Variants in FRMD4A observed in about 807,000 individuals in gnomAD.
FRMD4A encodes FERM domain-containing protein 4A.
A neutral mutation model predicts 129.1 loss-of-function variants in FRMD4A; 29 were observed. The ratio of observed to expected loss-of-function variants is 0.22; its 90% CI spans 0.17 to 0.31. FRMD4A has a LOEUF of 0.31. Ranked by LOEUF, FRMD4A falls within the 10% of genes least tolerant of loss-of-function variation. The pLI is 1.00. For missense variants in FRMD4A, 1,272 were observed against 1,375.8 expected (o/e 0.92, Z 1.19); for synonymous variants, 634 against 571.6 (o/e 1.11, Z -1.56).
chr10:13,849,678 C>T (rs2094114233), intron 3 of FRMD4A, among the ~76,000 whole-genome samples: 1 of 151,326 alleles, frequency 6.6e-6, no homozygotes, highest in Admixed American at 6.6e-5. Flanking sequence ...GGGCTTTCAC[C>T]ATGTTGGTCA....
intron 6 of FRMD4A, among the ~76,000 whole-genome samples, chr10:13,769,095 A>G (rs1471965272): frequency 6.9e-6 from 1 of 145,190 alleles, no homozygotes; most frequent in Non-Finnish European, 1.5e-5. Flanking sequence ...GGTTCAGGCC[A>G]TTCTCCTGCC....
intron 9 of FRMD4A, among the ~76,000 whole-genome samples, chr10:13,745,542 A>G (rs2091246969): frequency 6.6e-6 from 1 of 152,174 alleles, no homozygotes; most frequent in Non-Finnish European, 1.5e-5. Flanking sequence ...TCATATGCAG[A>G]AGAGACAGAG....
chr10:13,906,569 G>A (rs1156319677), intron 2 of FRMD4A, among the ~76,000 whole-genome samples: 1 of 152,152 alleles, frequency 6.6e-6, no homozygotes, highest in African/African-American at 2.4e-5. Flanking sequence ...CATCCACTAA[G>A]GGCGTGAAAT....
rs1223887250 is a variant in FRMD4A at position 14,279,182 on chromosome 10, A to ATTTTTT, written c.45+50870_45+50875dup. On this transcript the variant is annotated intron_variant, in intron 2 of 24. Coordinates refer to ENST00000357447, the MANE Select transcript of FRMD4A (RefSeq NM_018027.5). ...ACTATGCCCCTGAGGAGGAAGCGGG[A>ATTTTTT]TTTTTTTTTTTTTTTTTTTTTTTTG... Among the ~76,000 whole-genome samples, 210 of 99,612 alleles carry ATTTTTT rather than the reference A, an allele frequency of 2.1e-3. 4 individuals carry two copies. Among genetic ancestry groups the ATTTTTT allele is most frequent in the Non-Finnish European group, 3.1e-3 (164 of 52,316 alleles). The allele number at this position is 99,612 out of a possible 152,430, so 65.3% of individuals were successfully genotyped here.
At chr10:14,037,449 C>T (rs1050634593) in intron 2 of FRMD4A, among the ~76,000 whole-genome samples, 2 of 152,188 alleles carry the variant, frequency 1.3e-5, no homozygotes, top group Non-Finnish European at 2.9e-5. Context: ...AACTCCTGAC[C>T]TCATGTGATC....
chr10:14,089,682 T>TG (rs1237850425), intron 2 of FRMD4A, among the ~76,000 whole-genome samples: 18 of 146,682 alleles, frequency 1.2e-4, no homozygotes, highest in Non-Finnish European at 6.0e-5. Context: ...AGAACCAGAC[T>TG]GTAGTTTCCC....
At chr10:13,936,522 T>G (rs2131299213) in intron 2 of FRMD4A, among the ~76,000 whole-genome samples, 2 of 152,272 alleles carry the variant, frequency 1.3e-5, no homozygotes, top group Middle Eastern at 6.8e-3. Context: ...TGAATGAGAT[T>G]AGTGTCCTCA....
chr10:14,190,976 G>C (rs1009325178), intron 2 of FRMD4A, among the ~76,000 whole-genome samples: 1 of 152,200 alleles, frequency 6.6e-6, no homozygotes. Flanking sequence ...TGTGAGGTCA[G>C]CAAGCTGGTT....
At chr10:14,198,136 C>T (rs1564380732) in intron 2 of FRMD4A, among the ~76,000 whole-genome samples, 1 of 152,178 alleles carries the variant, frequency 6.6e-6, no homozygotes. Flanking sequence ...GATGGTGGCA[C>T]GAATCAAAGG....
At chr10:13,980,860 C>T (rs960363117) in intron 2 of FRMD4A, among the ~76,000 whole-genome samples, 4 of 152,118 alleles carry the variant, frequency 2.6e-5, no homozygotes, top group African/African-American at 9.7e-5. Flanking sequence ...CAAAAAGCTG[C>T]CATGAATGAT....
intron 12 of FRMD4A, among the ~76,000 whole-genome samples, chr10:13,735,742 T>A (rs961216004): frequency 6.6e-6 from 1 of 152,232 alleles, no homozygotes; most frequent in Non-Finnish European, 1.5e-5. Context: ...ATGTCGGCCT[T>A]GGTCTTCCAC....
intron 2 of FRMD4A, among the ~76,000 whole-genome samples, chr10:14,200,134 C>T (rs1842592593): frequency 6.7e-6 from 1 of 149,330 alleles, no homozygotes; most frequent in Non-Finnish European, 1.5e-5. Flanking sequence ...CTCAAGTGAT[C>T]CTCCTGCCTC....
At chr10:14,295,933 T>C (rs1845993555) in intron 2 of FRMD4A, among the ~76,000 whole-genome samples, 1 of 152,188 alleles carries the variant, frequency 6.6e-6, no homozygotes, top group African/African-American at 2.4e-5. Flanking sequence ...TGAAACGATC[T>C]TTTTCGAAAT....
chr10:13,970,739 C>T (rs1399969811), intron 2 of FRMD4A, among the ~76,000 whole-genome samples: 2 of 152,186 alleles, frequency 1.3e-5, no homozygotes, highest in African/African-American at 4.8e-5. Flanking sequence ...TCCTCTCAGG[C>T]GGGGCTGGGG....
At chr10:13,705,264 A>G (rs1424284848) in intron 13 of FRMD4A, among the ~76,000 whole-genome samples, 2 of 152,176 alleles carry the variant, frequency 1.3e-5, no homozygotes, top group Non-Finnish European at 2.9e-5. Flanking sequence ...CACGTGTGAG[A>G]TCTAGATTCT....
chr10:14,022,508 C>T (rs914174997), intron 2 of FRMD4A, among the ~76,000 whole-genome samples: 2 of 152,178 alleles, frequency 1.3e-5, no homozygotes, highest in East Asian at 1.9e-4. Flanking sequence ...TTAATATAAA[C>T]ATTGCATAAT....
In FRMD4A at chr10:13,938,232, C is replaced by CTGTTTGTTTGTT. The variant is rs547717822; in HGVS notation, c.46-79332_46-79321dup. ...ATTCTTGTTGTGTTTTTTGTTGTTG[C>CTGTTTGTTTGTT]TGTTTGTTTGTTTGTTTGTTTGTTT... On this transcript the variant is annotated intron_variant, in intron 2 of 24. Transcript: ENST00000357447. Among the ~76,000 whole-genome samples the CTGTTTGTTTGTT allele has an allele frequency of 5.0e-3, 761 of 151,668 alleles. 9 individuals carry two copies. Among genetic ancestry groups the CTGTTTGTTTGTT allele is most frequent in the African/African-American group, 0.017 (716 of 41,350 alleles).
chr10:13,710,076 G>A (rs2087859240), intron 12 of FRMD4A, among the ~76,000 whole-genome samples: 1 of 152,060 alleles, frequency 6.6e-6, no homozygotes, highest in African/African-American at 2.4e-5. Flanking sequence ...ACTTGATCCT[G>A]GCCTTAGGTC....
intron 12 of FRMD4A, among the ~76,000 whole-genome samples, chr10:13,709,537 T>TA (rs749080732): frequency 9.4e-4 from 140 of 148,568 alleles, no homozygotes; most frequent in African/African-American, 2.4e-3. Context: ...GTTTTGGATT[T>TA]AAAAAAAAAA....
Sources: allele counts gnomAD v4.1 joint callset (sites outside exome capture counted in the v4.1 genomes callset), GRCh38; gene constraint gnomAD v4.1.1; transcripts MANE v1.5; gene names NCBI Gene and HGNC (gene_info 2026-07-23, HGNC 2026-07-21).